Variants in STK32C observed in about 807,000 individuals in gnomAD.
The protein encoded by STK32C is serine/threonine kinase 32C, also known as serine/threonine-protein kinase 32C.
STK32C carries 31 observed loss-of-function variants against 56.5 expected under a neutral mutation model. The ratio of observed to expected loss-of-function variants is 0.55; its 90% confidence interval spans 0.41 to 0.74. The LOEUF (loss-of-function observed/expected upper bound fraction) is 0.74, where lower values mean the gene tolerates loss of function less well. Among genes scored for constraint, STK32C ranks in the 30% least tolerant of loss-of-function variants. The pLI, the probability that STK32C is intolerant of heterozygous loss-of-function variation, is 0.00. For synonymous variants in STK32C, 309 were observed against 289.4 expected (o/e 1.07, Z -0.69); for missense variants, 544 against 676.9 (o/e 0.80, Z 2.18).
At chr10:132,330,547 A>G in intron 1 of STK32C, 1 of 715,262 alleles carries the variant, frequency 1.4e-6, no homozygotes, top group Non-Finnish European at 2.6e-6. Context: ...TCTCGCTGTC[A>G]CCGAAGCTGA....
chr10:132,280,487 C>A (rs1262200383), intron 1 of STK32C, among the ~76,000 whole-genome samples: 1 of 140,940 alleles, frequency 7.1e-6, no homozygotes, highest in East Asian at 2.2e-4. Flanking sequence ...CGTGATCATG[C>A]CACCTGTGCT....
chr10:132,309,394 A>G (rs2138420990), upstream of STK32C, among the ~76,000 whole-genome samples: 1 of 152,226 alleles, frequency 6.6e-6, no homozygotes, highest in Non-Finnish European at 1.5e-5. Flanking sequence ...CCACCTGGAC[A>G]TGCACCCGCT....
intron 1 of STK32C, among the ~76,000 whole-genome samples, chr10:132,272,159 C>T (rs2138164272): frequency 1.3e-5 from 2 of 152,292 alleles, no homozygotes; most frequent in South Asian, 4.1e-4. Flanking sequence ...ATGAGATCTT[C>T]AAAGAGTTGG....
At chr10:132,326,387 A>C (rs1271108658) in intron 1 of STK32C, among the ~76,000 whole-genome samples, 1 of 152,172 alleles carries the variant, frequency 6.6e-6, no homozygotes, top group African/African-American at 2.4e-5. Flanking sequence ...GCTGGAGTGC[A>C]GTGGTGTGAT....
intron 1 of STK32C, among the ~76,000 whole-genome samples, chr10:132,273,821 G>A (rs2064911056): frequency 6.6e-6 from 1 of 150,488 alleles, no homozygotes; most frequent in Non-Finnish European, 1.5e-5. Flanking sequence ...GAGCAAATGA[G>A]AGATGAGTGA....
chr10:132,314,542 A>G (rs2066279897), intron 1 of STK32C, among the ~76,000 whole-genome samples: 1 of 152,254 alleles, frequency 6.6e-6, no homozygotes, highest in South Asian at 2.1e-4. Context: ...CACTTCAATT[A>G]GAAGATAGAG....
At chr10:132,320,740 G>A (rs375590395), downstream of STK32C, among the ~76,000 whole-genome samples, 27 of 152,270 alleles carry the variant, frequency 1.8e-4, no homozygotes, top group Non-Finnish European at 2.9e-4. Flanking sequence ...GAGGAGCCTG[G>A]CTTGTGTGAG....
At chr10:132,267,917 GCGT>G in intron 1 of STK32C, among the ~76,000 whole-genome samples, 10 of 146,176 alleles carry the variant, frequency 6.8e-5, no homozygotes, top group Non-Finnish European at 7.5e-5. Context: ...GTGTGTCAGT[GCGT>G]GTGCATGCAT....
chr10:132,265,128 C>T (rs2064461186), intron 1 of STK32C, among the ~76,000 whole-genome samples: 1 of 148,512 alleles, frequency 6.7e-6, no homozygotes, highest in South Asian at 2.1e-4. Flanking sequence ...GGGGGTGCCG[C>T]AAGGGCAGTG....
chr10:132,214,665 G>A (rs2062413144), intron 10 of STK32C, among the ~76,000 whole-genome samples: 1 of 152,210 alleles, frequency 6.6e-6, no homozygotes, highest in African/African-American at 2.4e-5. Flanking sequence ...AATAACAGTA[G>A]TAACAATGTA....
chr10:132,290,553 C>T (rs917121277), intron 1 of STK32C, among the ~76,000 whole-genome samples: 5 of 152,196 alleles, frequency 3.3e-5, no homozygotes, highest in African/African-American at 4.8e-5. Flanking sequence ...TCCTCTTGGC[C>T]AGATCATCTG....
upstream of STK32C, among the ~76,000 whole-genome samples, chr10:132,310,061 G>A (rs2066190341): frequency 6.6e-6 from 1 of 152,222 alleles, no homozygotes; most frequent in Non-Finnish European, 1.5e-5. This position sits in a 1 kb window ranked among gnomAD's most constrained non-coding sequence, Gnocchi z 4.6. Flanking sequence ...GGCAGTTGGG[G>A]ATGGACAGTC....
chr10:132,262,903 C>T (rs2064352478), intron 1 of STK32C, among the ~76,000 whole-genome samples: 1 of 151,482 alleles, frequency 6.6e-6, no homozygotes. Context: ...CACCATCTCA[C>T]ACCAGTCAGG....
chr10:132,275,608 C>T (rs778027996), intron 1 of STK32C, among the ~76,000 whole-genome samples: 3 of 152,234 alleles, frequency 2.0e-5, no homozygotes, highest in Non-Finnish European at 4.4e-5. Flanking sequence ...CACAGCACAG[C>T]CAGGCCACGG....
At chr10:132,241,203 G>A (rs1045899525) in intron 2 of STK32C, among the ~76,000 whole-genome samples, 2 of 152,134 alleles carry the variant, frequency 1.3e-5, no homozygotes, top group Non-Finnish European at 2.9e-5. Context: ...AGAGCCACAC[G>A]CCCAGCCCAC....
At chr10:132,242,102 C>T (rs1045151633) in intron 2 of STK32C, among the ~76,000 whole-genome samples, 1 of 64,076 alleles carries the variant, frequency 1.6e-5, no homozygotes, top group Non-Finnish European at 2.9e-5. Flanking sequence ...ACAGTGAGAC[C>T]CTGACTGAAA....
At chr10:132,259,291 T>G (rs1444954213) in intron 1 of STK32C, among the ~76,000 whole-genome samples, 1 of 152,200 alleles carries the variant, frequency 6.6e-6, no homozygotes, top group Non-Finnish European at 1.5e-5. Context: ...CCAAATCTCA[T>G]GTAAGATGTA....
downstream of STK32C, among the ~76,000 whole-genome samples, chr10:132,322,438 T>G (rs1227703137): frequency 6.6e-6 from 1 of 152,242 alleles, no homozygotes; most frequent in Non-Finnish European, 1.5e-5. Flanking sequence ...ATAGTGAATT[T>G]ACCAATATTT....
In STK32C at chr10:132,250,613, C is replaced by T. The variant is rs927014906; in HGVS notation, c.263-4658G>A. 5.1e-5 allele frequency among the ~76,000 whole-genome samples: 7 copies of T among 135,966 alleles called. No homozygotes were observed. In the East Asian group the frequency reaches 9.2e-4, roughly 18 times the overall value. The allele number at this position is 135,966 out of a possible 152,430, so 89.2% of individuals were successfully genotyped here. On this transcript the variant is annotated intron_variant, in intron 1 of 11. Transcript: ENST00000298630. ...GTCACTGCAGAGAGGGGCTCCGCCC[C>T]GAGGCAGGTGGGTGTGAGGTGCCCG...
Sources: allele counts gnomAD v4.1 joint callset (sites outside exome capture counted in the v4.1 genomes callset), GRCh38; gene constraint gnomAD v4.1.1; non-coding constraint Gnocchi (gnomAD v3.1); transcripts MANE v1.5; gene names NCBI Gene and HGNC (gene_info 2026-07-23, HGNC 2026-07-21).